The following FAM227B variants were observed in gnomAD, a reference collection of about 807,000 sequenced individuals.
FAM227B encodes the protein protein FAM227B.
In FAM227B, 88 loss-of-function variants were observed where a neutral mutation model predicts 73.8. The ratio of observed to expected loss-of-function variants is 1.19; its 90% CI spans 1.00 to 1.42. The LOEUF is 1.42. Among genes scored for constraint, FAM227B ranks in the 40% most tolerant of loss-of-function variants. The probability of loss-of-function intolerance (pLI) is 0.00; values close to 1 mark genes in which losing one functional copy is unlikely to be tolerated. For synonymous variants in FAM227B, 210 were observed against 190.5 expected (o/e 1.10, Z -0.84); for missense variants, 632 against 590.9 (o/e 1.07, Z -0.72).
chr15:49,339,838 C>G (rs2040400339), intron 13 of FAM227B, among the ~76,000 whole-genome samples: 1 of 152,122 alleles, frequency 6.6e-6, no homozygotes, highest in Admixed American at 6.5e-5. Context: ...AGGAATGAAT[C>G]TAGAGAGGCA....
At chr15:49,430,021 A>G (rs1157030080) in intron 11 of FAM227B, among the ~76,000 whole-genome samples, 1 of 151,810 alleles carries the variant, frequency 6.6e-6, no homozygotes, top group Admixed American at 6.6e-5. Context: ...GTTAACTTGA[A>G]CCCTAGAGGA....
intron 15 of FAM227B, 86 bp from the exon 16 acceptor site, chr15:49,328,761 C>A: frequency 5.6e-6 from 8 of 1,435,486 alleles, no homozygotes; most frequent in African/African-American, 4.8e-5. Flanking sequence ...CTCCAGTTAT[C>A]AAGAGACTAA....
At chr15:49,429,681 C>T (rs2050421689) in intron 11 of FAM227B, among the ~76,000 whole-genome samples, 1 of 151,840 alleles carries the variant, frequency 6.6e-6, no homozygotes, top group African/African-American at 2.4e-5. Flanking sequence ...AATACTGATG[C>T]CAGTTTCCAC....
chr15:49,598,772 A>T (rs55691379), intron 3 of FAM227B, among the ~76,000 whole-genome samples: 28,434 of 151,854 alleles, frequency 0.19, 3,118 homozygotes, highest in East Asian at 0.36. Flanking sequence ...ATATGTTGAA[A>T]CGTCCTTGCA....
intron 10 of FAM227B, among the ~76,000 whole-genome samples, chr15:49,531,725 T>C (rs1355227057): frequency 1.3e-5 from 2 of 151,964 alleles, no homozygotes; most frequent in Admixed American, 6.6e-5. Flanking sequence ...CCAGTGTTTC[T>C]CTCTGCCAAA....
At chr15:49,413,678 A>T (rs959584998) in intron 11 of FAM227B, among the ~76,000 whole-genome samples, 9 of 152,034 alleles carry the variant, frequency 5.9e-5, no homozygotes, top group African/African-American at 2.2e-4. Flanking sequence ...GCTAATTACA[A>T]TCTATTATAC....
At chr15:49,580,310 G>A (rs1047933850) in intron 5 of FAM227B, among the ~76,000 whole-genome samples, 1 of 152,176 alleles carries the variant, frequency 6.6e-6, no homozygotes, top group Non-Finnish European at 1.5e-5. Flanking sequence ...GGCTGAGCGA[G>A]TGCCCAGCTA....
chr15:49,334,224 A>T, intron 14 of FAM227B: 1 of 981,812 alleles, frequency 1.0e-6, no homozygotes, highest in Non-Finnish European at 1.2e-6. Flanking sequence ...AAACCTATCA[A>T]GCTCCTTGTC....
At chr15:49,590,824 T>C (rs1050116681) in intron 3 of FAM227B, among the ~76,000 whole-genome samples, 24 of 152,192 alleles carry the variant, frequency 1.6e-4, no homozygotes, top group African/African-American at 4.6e-4. Context: ...TTTCTCCCTT[T>C]CTTTCACAAG....
At chr15:49,591,075 TC>T (rs1373746599) in intron 3 of FAM227B, among the ~76,000 whole-genome samples, 1 of 132,766 alleles carries the variant, frequency 7.5e-6, no homozygotes. Flanking sequence ...AGACAGAGTC[TC>T]GCTCTGTCGC....
intron 11 of FAM227B, chr15:49,422,394 T>C (rs190999173): frequency 1.9e-4 from 83 of 441,486 alleles, no homozygotes; most frequent in African/African-American, 1.4e-3. Context: ...GCAATACATA[T>C]TATAATTCCA....
chr15:49,562,211 T>C (rs1289857602), intron 9 of FAM227B, among the ~76,000 whole-genome samples: 2 of 152,042 alleles, frequency 1.3e-5, no homozygotes, highest in African/African-American at 4.8e-5. Context: ...TCAGAGACTA[T>C]TATGAACAAC....
chr15:49,528,141 G>A lies in FAM227B; in HGVS notation c.874+13539C>T, dbSNP rs141487695. ...TAGTAACCCAAATAACATAGTGCTGGTACAATAGACACATAGATCAATGAA... is the reference window on the plus strand; with the variant it reads ...TAGTAACCCAAATAACATAGTGCTGATACAATAGACACATAGATCAATGAA... On this transcript the variant is annotated intron_variant, in intron 10 of 15. Transcript: ENST00000299338. 2.0e-3 allele frequency among the ~76,000 whole-genome samples: 301 copies of A among 151,704 alleles called. 1 individual carries two copies. Among genetic ancestry groups the A allele is most frequent in the African/African-American group, 6.9e-3 (288 of 41,472 alleles).
rs917014865 is a variant in FAM227B, at chr15:49,349,506, T to C, written c.1272-14010A>G. On this transcript the variant is annotated intron_variant, in intron 13 of 15. Coordinates refer to ENST00000299338, the MANE Select transcript of FAM227B (RefSeq NM_152647.3). ...TTACTATGCCTTGCCAATATTTTTA[T>C]GCTTATTCTCTATTACATAAGTTTT... 1.3e-5 allele frequency among the ~76,000 whole-genome samples: 2 copies of C among 152,210 alleles called. 1 individual carries two copies. Among genetic ancestry groups the C allele is most frequent in the Non-Finnish European group, 2.9e-5 (2 of 68,016 alleles).
chr15:49,464,766 A>G (rs1216789017), intron 11 of FAM227B, among the ~76,000 whole-genome samples: 2 of 152,206 alleles, frequency 1.3e-5, no homozygotes, highest in African/African-American at 4.8e-5. Context: ...AACACATAGT[A>G]TCTCCGTGTA....
intron 11 of FAM227B, among the ~76,000 whole-genome samples, chr15:49,397,410 T>C (rs1181758111): frequency 1.3e-5 from 2 of 152,062 alleles, no homozygotes; most frequent in African/African-American, 4.8e-5. Context: ...TGGAACCAAG[T>C]TGGAAAACAC....
Position 49,577,655 on chromosome 15 carries a change from C to T in FAM227B, c.415G>A (p.Glu139Lys), listed in dbSNP as rs754929132. 6.4e-7 allele frequency: 1 copy of T among 1,560,748 alleles called. No individual in the cohort carries two copies. Among genetic ancestry groups the T allele is most frequent in the Non-Finnish European group, 8.7e-7 (1 of 1,145,522 alleles). The stretch of plus-strand genomic sequence containing the variant: ...TCTATATTCTTCTCTGTCTCCATTT[C>T]ATCTGAAAGCTGGAAAACATTTTAA... ...HKKKKIMLSD[E>K]METEKNIEGC... Residue 139 changes from glutamate to lysine, a missense_variant, in exon 6 of 16, where the codon GAA becomes AAA. Physicochemically the swap from Glu to Lys is moderately conservative, Grantham distance 56. Transcript: ENST00000299338.
intron 15 of FAM227B, chr15:49,330,404 C>T (rs1234002149): frequency 6.6e-6 from 1 of 152,098 alleles, no homozygotes; most frequent in Non-Finnish European, 1.5e-5. Flanking sequence ...AACTTGGGCT[C>T]CAAATCAGGA....
intron 11 of FAM227B, among the ~76,000 whole-genome samples, chr15:49,490,869 C>A (rs187013956): frequency 6.6e-6 from 1 of 151,680 alleles, no homozygotes. Flanking sequence ...TATATATCTC[C>A]GATTGTTGAT....
Sources: allele counts gnomAD v4.1 joint callset (sites outside exome capture counted in the v4.1 genomes callset), GRCh38; gene constraint gnomAD v4.1.1; transcripts MANE v1.5; gene names NCBI Gene and HGNC (gene_info 2026-07-23, HGNC 2026-07-21).